MTUS2: variants seen among roughly 807,000 people sequenced by gnomAD.
MTUS2 encodes microtubule associated scaffold protein 2.
Under a neutral mutation model 114.1 loss-of-function variants are expected in MTUS2, and 40 were observed. The observed-to-expected ratio is 0.35, with a 90% CI of 0.27 to 0.46. The LOEUF (loss-of-function observed/expected upper bound fraction) is 0.46, where lower values mean the gene tolerates loss of function less well. MTUS2 is among the 20% of genes least tolerant of loss of function. The pLI is 1.00. For missense variants in MTUS2, 1,679 were observed against 1,705.4 expected (o/e 0.98, Z 0.27); for synonymous variants, 688 against 672.0 (o/e 1.02, Z -0.37).
chr13:29,392,127 CA>C (rs67050496), intron 8 of MTUS2, among the ~76,000 whole-genome samples: 4,073 of 118,678 alleles, frequency 0.034, 137 homozygotes, highest in African/African-American at 0.13. Flanking sequence ...GACTCTGTCT[CA>C]AAAAAAAAAA....
At chr13:29,014,438 G>A (rs563006114) in intron 2 of MTUS2, among the ~76,000 whole-genome samples, 67 of 152,330 alleles carry the variant, frequency 4.4e-4, no homozygotes, top group Non-Finnish European at 8.2e-4. Context: ...TATTTATTGA[G>A]TGCCTGCAGT....
intron 4 of MTUS2, among the ~76,000 whole-genome samples, chr13:29,090,275 C>A (rs770574082): frequency 3.3e-5 from 5 of 152,108 alleles, no homozygotes; most frequent in Non-Finnish European, 7.3e-5. Context: ...GTTCTCTGGC[C>A]CCTTGAGGTC....
intron 5 of MTUS2, among the ~76,000 whole-genome samples, chr13:29,140,350 G>C (rs1283212829): frequency 6.6e-6 from 1 of 152,214 alleles, no homozygotes; most frequent in African/African-American, 2.4e-5. Context: ...TCAGGGCTAA[G>C]CAACACAGTA....
At chr13:28,899,162 G>A (rs955157545) in intron 2 of MTUS2, among the ~76,000 whole-genome samples, 2 of 152,130 alleles carry the variant, frequency 1.3e-5, no homozygotes, top group South Asian at 2.1e-4. Context: ...CTCACGTACC[G>A]TTTTCCTCAA....
intron 8 of MTUS2, among the ~76,000 whole-genome samples, chr13:29,384,722 A>G (rs780371038): frequency 1.6e-4 from 24 of 152,178 alleles, no homozygotes; most frequent in Non-Finnish European, 3.5e-4. Context: ...CTGACGTCCA[A>G]TGCTTTAACG....
intron 2 of MTUS2, among the ~76,000 whole-genome samples, chr13:28,945,124 C>T (rs1463580209): frequency 2.0e-5 from 3 of 151,836 alleles, no homozygotes; most frequent in Non-Finnish European, 4.4e-5. Context: ...CTTCCAGTTC[C>T]ATCCATGTTG....
At chr13:29,250,762 A>G (rs1017674550) in intron 5 of MTUS2, among the ~76,000 whole-genome samples, 1 of 152,156 alleles carries the variant, frequency 6.6e-6, no homozygotes, top group African/African-American at 2.4e-5. Flanking sequence ...TGCTTTACAA[A>G]TTTAACATTA....
chr13:28,972,923 C>A (rs939327110), intron 2 of MTUS2, among the ~76,000 whole-genome samples: 1 of 152,008 alleles, frequency 6.6e-6, no homozygotes, highest in Non-Finnish European at 1.5e-5. Flanking sequence ...TCCCTGTGCC[C>A]CTTCCCCCAA....
chr13:28,931,899 A>T (rs796278810), intron 2 of MTUS2, among the ~76,000 whole-genome samples: 1 of 152,060 alleles, frequency 6.6e-6, no homozygotes, highest in African/African-American at 2.4e-5. Context: ...TCATTGTTCA[A>T]TTCCCACCTA....
At chr13:29,417,261 C>A (rs965891244) in intron 8 of MTUS2, among the ~76,000 whole-genome samples, 3 of 152,180 alleles carry the variant, frequency 2.0e-5, no homozygotes, top group Non-Finnish European at 4.4e-5. Context: ...AAACTCCTTA[C>A]CATGGGGAGG....
At position 29,431,478 on chromosome 13, in the gene MTUS2, AAC is replaced by A. The variant is rs1386720986; in HGVS notation, c.3118-8497_3118-8496del. 6.6e-5 allele frequency among the ~76,000 whole-genome samples: 10 copies of A among 152,342 alleles called. No individual in the cohort carries two copies. In the East Asian group the frequency reaches 1.9e-3, roughly 29 times the overall value. ...AACTTATAAGTGGGTAGGCAACAAT[AAC>A]ACACACAGAACAATTAAACATTAGC... On this transcript the variant is annotated intron_variant, in intron 8 of 15. Coordinates refer to ENST00000612955, the MANE Select transcript of MTUS2 (RefSeq NM_001033602.4).
intron 5 of MTUS2, among the ~76,000 whole-genome samples, chr13:29,103,690 C>T (rs551030574): frequency 1.2e-4 from 19 of 152,124 alleles, no homozygotes; most frequent in African/African-American, 3.6e-4. Flanking sequence ...TATGACATTA[C>T]GGTGGCTAAG....
rs117257125 is a variant in MTUS2, at chr13:28,927,538, C to T, written c.-243+87688C>T. ...CTGTAATTGCACCACTGCACTCCAG[C>T]ATGGGTGACAAAATGAGACCTTGTC... On this transcript the variant is annotated intron_variant, in intron 2 of 15. Coordinates refer to ENST00000612955, the MANE Select transcript of MTUS2 (RefSeq NM_001033602.4). 9.9e-3 allele frequency among the ~76,000 whole-genome samples: 1,513 copies of T among 152,286 alleles called. 22 individuals carry two copies. The highest frequency in any genetic ancestry group is 0.042 in the East Asian group (219 of 5,184).
intron 10 of MTUS2, among the ~76,000 whole-genome samples, chr13:29,485,856 T>A (rs1325392726): frequency 7.5e-6 from 1 of 133,582 alleles, no homozygotes; most frequent in Non-Finnish European, 1.5e-5. Context: ...TAAATTAGAA[T>A]CACGCCAAGG....
chr13:28,921,972 A>G (rs930873943), intron 2 of MTUS2, among the ~76,000 whole-genome samples: 2 of 152,176 alleles, frequency 1.3e-5, no homozygotes, highest in African/African-American at 4.8e-5. Context: ...GATGTGGTTT[A>G]GCTTTGTGTC....
intron 4 of MTUS2, among the ~76,000 whole-genome samples, chr13:29,043,089 TGCAG>T (rs746803141): frequency 6.6e-6 from 1 of 152,110 alleles, no homozygotes; most frequent in Non-Finnish European, 1.5e-5. Flanking sequence ...AATTTTTTGA[TGCAG>T]GCACTGCTTT....
At chr13:29,443,010 C>T (rs1273011823) in intron 9 of MTUS2, among the ~76,000 whole-genome samples, 1 of 152,152 alleles carries the variant, frequency 6.6e-6, no homozygotes. Context: ...ATAAGCCAAT[C>T]CCAGAGTATG....
In MTUS2 at chr13:29,418,353, C is replaced by T. The variant is rs549987100; in HGVS notation, c.3118-21630C>T. Among the ~76,000 whole-genome samples, 4 of 152,260 alleles carry T rather than the reference C, an allele frequency of 2.6e-5. No homozygotes were observed. In the South Asian group the frequency reaches 8.3e-4, roughly 32 times the overall value. ...CCCCTTCATTCAAAGGGTTCTGAGTCTGTAAACTGGCCCAAGTCTGGGAAT... is the reference window on the plus strand; with the variant it reads ...CCCCTTCATTCAAAGGGTTCTGAGTTTGTAAACTGGCCCAAGTCTGGGAAT... On this transcript the variant is annotated intron_variant, in intron 8 of 15. Coordinates refer to ENST00000612955, the MANE Select transcript of MTUS2 (RefSeq NM_001033602.4).
intron 6 of MTUS2, among the ~76,000 whole-genome samples, chr13:29,284,887 A>AG (rs1255397101): frequency 3.9e-5 from 6 of 152,198 alleles, no homozygotes; most frequent in African/African-American, 1.4e-4. Flanking sequence ...GAGCACTCCT[A>AG]GAGCCCAGGT....
Sources: gnomAD v4.1 joint callset for allele counts (sites outside exome capture counted in the v4.1 genomes callset) on GRCh38, gnomAD v4.1.1 for gene constraint, MANE v1.5 for transcripts, NCBI Gene and HGNC (gene_info 2026-07-23, HGNC 2026-07-21) for gene names.